Variants in TAB1 observed in about 807,000 individuals in gnomAD.
The protein encoded by TAB1 is TGF-beta activated kinase 1 (MAP3K7) binding protein 1.
TAB1 carries 30 observed loss-of-function variants against 54.5 expected under a neutral mutation model. That is an observed-to-expected ratio of 0.55 (90% confidence interval 0.41 to 0.75). TAB1 has a LOEUF of 0.75. Among genes scored for constraint, TAB1 ranks in the 30% least tolerant of loss-of-function variants. The pLI, the probability that TAB1 is intolerant of heterozygous loss-of-function variation, is 0.00. For synonymous variants in TAB1, 289 were observed against 286.9 expected, an observed-to-expected ratio of 1.01 and a Z score of -0.07; for missense variants, 609 against 683.2, an observed-to-expected ratio of 0.89 and a Z score of 1.21.
chr22:39,435,604 G>C (rs894637655), downstream of TAB1, among the ~76,000 whole-genome samples: 2 of 152,222 alleles, frequency 1.3e-5, no homozygotes. Flanking sequence ...GTATCAGAAA[G>C]GGCTTTCTAA....
At position 39,428,175 on chromosome 22, in the gene TAB1, C is replaced by G. The variant is rs776673051; in HGVS notation, c.1299C>G (p.Thr433=). 2 of 1,603,968 alleles carry G rather than the reference C, an allele frequency of 1.2e-6. No individual in the cohort carries two copies. The highest frequency in any genetic ancestry group is 8.5e-7 in the Non-Finnish European group (1 of 1,173,178). ...SASTLDEATP[T]LTNQSPTLTL... ...CCACCCTGGACGAAGCCACCCCCAC[C>G]CTCACCAAGTAAGTCCCTTCCCCAC... The change falls in exon 10 of 11, where the codon ACC becomes ACG. Residue 433 remains threonine, a synonymous_variant. Transcript: ENST00000216160.
At position 39,415,521 on chromosome 22, in the gene TAB1, G is replaced by A. The variant is rs758565838; in HGVS notation, c.192G>A (p.Leu64=). Residue 64 remains leucine, a synonymous_variant, in exon 3 of 11, where the codon CTG becomes CTA. Coordinates refer to ENST00000216160, the MANE Select transcript of TAB1 (RefSeq NM_006116.3). The surrounding 1 kb of genome is among the most constrained non-coding windows in gnomAD (Gnocchi z 4.9). ...LKFRSENNCF[L]YGVFNGYDGN... is the part of the protein sequence containing the mutation. ...CCAGGAGTGAGAACAACTGCTTCCT[G>A]TATGGGGTCTTCAACGGCTATGATG... is the stretch of plus-strand genomic sequence containing the variant. 2 of 1,614,210 alleles carry A rather than the reference G, an allele frequency of 1.2e-6. No homozygotes were observed. The highest frequency in any genetic ancestry group is 1.7e-6 in the Non-Finnish European group (2 of 1,180,010).
chr22:39,400,919 A>C (rs1401598864), intron 1 of TAB1, among the ~76,000 whole-genome samples: 2 of 151,226 alleles, frequency 1.3e-5, no homozygotes, highest in Admixed American at 1.3e-4. Context: ...TGTAGTCCCA[A>C]CTATTCGGGA....
chr22:39,405,744 C>T (rs1440998879), intron 1 of TAB1, among the ~76,000 whole-genome samples: 4 of 152,312 alleles, frequency 2.6e-5, no homozygotes, highest in Middle Eastern at 6.8e-3. Flanking sequence ...GCAATGGACG[C>T]TCGGTATGGC....
At chr22:39,424,098 A>C (rs963950657) in intron 8 of TAB1, among the ~76,000 whole-genome samples, 20 of 152,290 alleles carry the variant, frequency 1.3e-4, no homozygotes, top group African/African-American at 4.8e-4. Flanking sequence ...GTGAGAACAT[A>C]GTTTGTGGTT....
Position 39,430,963 on chromosome 22 carries a change from G to A in TAB1, c.*741G>A. On this transcript the variant is annotated 3_prime_UTR_variant, in exon 11 of 11. Coordinates refer to ENST00000216160, the MANE Select transcript of TAB1 (RefSeq NM_006116.3). ...GGACTGGCCCCGGTGGGCTGAGGCA[G>A]GGGCCGCTGTCGTCAGGCCTGAGCC... 1 of 986,998 alleles carries A rather than the reference G, an allele frequency of 1.0e-6. No individual in the cohort carries two copies. The highest frequency in any genetic ancestry group is 1.7e-5 in the African/African-American group (1 of 57,388). 61.1% of individuals were successfully genotyped at this position (986,998 alleles called of 1,614,324 possible). A position where few individuals can be genotyped will look rare whatever the true frequency, so the allele number is the denominator to read the frequency against.
intron 1 of TAB1, among the ~76,000 whole-genome samples, chr22:39,407,188 A>G (rs1181640153): frequency 6.6e-6 from 1 of 152,236 alleles, no homozygotes; most frequent in East Asian, 1.9e-4. Context: ...TTGTTATTTT[A>G]CATTACATAG....
chr22:39,427,979 C>A, intron 9 of TAB1, 42 bp from the exon 10 acceptor site: 1 of 1,539,392 alleles, frequency 6.5e-7, no homozygotes, highest in East Asian at 2.3e-5. Flanking sequence ...CTGGGTTTCT[C>A]CTCAGCTGCT....
rs1180140960 is a variant in TAB1, at chr22:39,421,917, G to A, written c.867G>A (p.Ser289=). 9 of 1,611,636 alleles carry A rather than the reference G, an allele frequency of 5.6e-6. No homozygotes were observed. The highest frequency in any genetic ancestry group is 2.2e-5 in the South Asian group (2 of 90,704). Residue 289 remains serine, a synonymous_variant, in exon 8 of 11, where the codon TCG becomes TCA. Coordinates refer to ENST00000216160, the MANE Select transcript of TAB1 (RefSeq NM_006116.3). ...TGACGGGCTTCTTGGTGCTGATGTC[G>A]GAGGGGTTGTACAAGGCCCTAGAGG... The part of the protein sequence containing the change: ...DGVTGFLVLM[S]EGLYKALEAA...
At chr22:39,432,642 CCG>C, downstream of TAB1, 1 of 647,530 alleles carries the variant, frequency 1.5e-6, no homozygotes, top group Non-Finnish European at 1.9e-6. Flanking sequence ...GCCCTGCCAC[CCG>C]AGAGAGAGAG....
At position 39,415,435 on chromosome 22, in the gene TAB1, C is replaced by T; in HGVS notation, c.171-65C>T. 6.3e-7 allele frequency: 1 copy of T among 1,578,572 alleles called. No homozygotes were observed. The highest frequency in any genetic ancestry group is 1.1e-5 in the South Asian group (1 of 88,894). ...GCTTTAGTCTCCCCCAATTCCTTTC[C>T]CTTTCTCCCTCCACCTCCGTGAGAC... On this transcript the variant is annotated intron_variant, in intron 2 of 10. Coordinates refer to ENST00000216160, the MANE Select transcript of TAB1 (RefSeq NM_006116.3). The surrounding 1 kb of genome is among the most constrained non-coding windows in gnomAD (Gnocchi z 4.9).
At chr22:39,436,453 T>C, downstream of TAB1, 1 of 1,545,740 alleles carries the variant, frequency 6.5e-7, no homozygotes, top group African/African-American at 1.4e-5. Flanking sequence ...CTCTGGACTT[T>C]TCTTCATGTG....
At chr22:39,412,015 G>C (rs903792694) in intron 1 of TAB1, among the ~76,000 whole-genome samples, 2 of 151,844 alleles carry the variant, frequency 1.3e-5, no homozygotes, top group Non-Finnish European at 2.9e-5. Flanking sequence ...TCATTTATGT[G>C]ACATTGTGTG....
chr22:39,436,029 C>T (rs147293172), downstream of TAB1, among the ~76,000 whole-genome samples: 406 of 152,336 alleles, frequency 2.7e-3, 2 homozygotes, highest in Non-Finnish European at 4.6e-3. Context: ...CGGTGGCTCA[C>T]GCCTATAATC....
intron 4 of TAB1, among the ~76,000 whole-genome samples, 153 bp from the exon 5 acceptor site, chr22:39,417,558 T>C (rs1164396874): frequency 6.6e-6 from 1 of 151,732 alleles, no homozygotes; most frequent in Non-Finnish European, 1.5e-5. Flanking sequence ...GAGGCGGAGC[T>C]TGTAGTGAGC....
chr22:39,422,234 A>G (rs182111580), intron 8 of TAB1, among the ~76,000 whole-genome samples: 16 of 152,086 alleles, frequency 1.1e-4, no homozygotes, highest in Non-Finnish European at 2.1e-4. Flanking sequence ...GTGAATTGCT[A>G]TGGGCACGGC....
chr22:39,418,152 G>A (rs1006766205), intron 5 of TAB1, among the ~76,000 whole-genome samples: 5 of 152,166 alleles, frequency 3.3e-5, no homozygotes, highest in Non-Finnish European at 7.3e-5. Context: ...AGGTTACCTG[G>A]CCATGAATAA....
chr22:39,401,481 G>A (rs1268245088), intron 1 of TAB1, among the ~76,000 whole-genome samples: 2 of 152,232 alleles, frequency 1.3e-5, no homozygotes, highest in African/African-American at 4.8e-5. Context: ...GGAAACGCTG[G>A]TTGGATTGTG....
At chr22:39,432,190 G>C (rs34865169), downstream of TAB1, among the ~76,000 whole-genome samples, 1 of 152,350 alleles carries the variant, frequency 6.6e-6, no homozygotes, top group Admixed American at 6.5e-5. Context: ...CAGGGTTGTG[G>C]TGCCAACTCC....
Sources: gnomAD v4.1 joint callset for allele counts (sites outside exome capture counted in the v4.1 genomes callset) on GRCh38, gnomAD v4.1.1 for gene constraint, Gnocchi (gnomAD v3.1) non-coding constraint, MANE v1.5 for transcripts, NCBI Gene and HGNC (gene_info 2026-07-23, HGNC 2026-07-21) for gene names.